The following ADAMTSL1 variants were observed in gnomAD, a reference collection of about 807,000 sequenced individuals.
The protein encoded by ADAMTSL1 is ADAMTS-like protein 1.
In ADAMTSL1, 126 loss-of-function variants were observed where a neutral mutation model predicts 201.8. The ratio of observed to expected loss-of-function variants is 0.62; its 90% CI spans 0.54 to 0.72. ADAMTSL1 has a LOEUF of 0.72. ADAMTSL1 is among the 30% of genes least tolerant of loss of function. The pLI is 0.00. For missense variants in ADAMTSL1, 2,679 were observed against 2,277.8 expected (o/e 1.18, Z -3.59); for synonymous variants, 1,121 against 903.4 (o/e 1.24, Z -4.32).
rs1032712539 is a variant in ADAMTSL1 at position 18,054,871 on chromosome 9, G to C, written c.88-108991G>C. On this transcript the variant is annotated intron_variant, in intron 1 of 29. Coordinates refer to the ADAMTSL1 transcript ENST00000680146. ...GGGGAGGTGCTTGGTAATGTGTGAA[G>C]TTCCCCTGCCCCCGCAATCTTTTTG... Among the ~76,000 whole-genome samples the C allele has an allele frequency of 3.3e-5, 5 of 152,316 alleles. No homozygotes were observed. In the East Asian group the frequency reaches 9.6e-4, roughly 29 times the overall value.
chr9:17,966,421 A>C (rs888690275), intron 1 of ADAMTSL1, among the ~76,000 whole-genome samples: 27 of 152,298 alleles, frequency 1.8e-4, no homozygotes, highest in African/African-American at 5.0e-4. Context: ...TTTGCTACGC[A>C]CTCAGAAGCC....
chr9:18,882,765 G>C (rs894223862), intron 23 of ADAMTSL1, among the ~76,000 whole-genome samples: 1 of 152,054 alleles, frequency 6.6e-6, no homozygotes, highest in Non-Finnish European at 1.5e-5. Context: ...AAGCTGAGGA[G>C]GGAGGATCAC....
chr9:18,340,452 C>A (rs950429804), intron 2 of ADAMTSL1, among the ~76,000 whole-genome samples: 1 of 152,108 alleles, frequency 6.6e-6, no homozygotes, highest in Non-Finnish European at 1.5e-5. Context: ...ACAATACATC[C>A]CAAACTGAGC....
Position 18,095,416 on chromosome 9 carries a change from CTTTT to C in ADAMTSL1, c.88-68425_88-68422del, listed in dbSNP as rs35164794. ...TCCCTGATAAGTTTCTTCTTTCTTTCTTTTTTTTTTTTTTTTTTTTTTTTGACAC... is the reference window on the plus strand; with the variant it reads ...TCCCTGATAAGTTTCTTCTTTCTTTCTTTTTTTTTTTTTTTTTTTTGACAC... On this transcript the variant is annotated intron_variant, in intron 1 of 29. Coordinates refer to the ADAMTSL1 transcript ENST00000680146. 3.0e-3 allele frequency among the ~76,000 whole-genome samples: 297 copies of C among 100,098 alleles called. 1 individual carries two copies. The highest frequency in any genetic ancestry group is 9.0e-3 in the African/African-American group (266 of 29,606). 65.7% of individuals were successfully genotyped at this position (100,098 alleles called of 152,430 possible).
At chr9:18,805,987 A>G (rs1823091377) in intron 20 of ADAMTSL1, among the ~76,000 whole-genome samples, 1 of 152,196 alleles carries the variant, frequency 6.6e-6, no homozygotes, top group East Asian at 1.9e-4. Context: ...CTCCTAGCCT[A>G]AACTGCCTTA....
chr9:18,459,250 T>G (rs762911023), intron 2 of ADAMTSL1, among the ~76,000 whole-genome samples: 17 of 152,188 alleles, frequency 1.1e-4, no homozygotes, highest in Non-Finnish European at 2.5e-4. Context: ...ATAGAATGTT[T>G]GTTTTTTATA....
At chr9:17,917,689 C>T (rs1826150075) in intron 1 of ADAMTSL1, among the ~76,000 whole-genome samples, 1 of 151,880 alleles carries the variant, frequency 6.6e-6, no homozygotes, top group African/African-American at 2.4e-5. Context: ...TAGAGCAATG[C>T]CGGCTTCATA....
At chr9:18,097,778 C>T (rs1355371624) in intron 1 of ADAMTSL1, among the ~76,000 whole-genome samples, 1 of 151,924 alleles carries the variant, frequency 6.6e-6, no homozygotes, top group Non-Finnish European at 1.5e-5. Flanking sequence ...TCTTCCCATT[C>T]CTAGGTTGTA....
At chr9:18,241,864 T>C (rs1831077400) in intron 2 of ADAMTSL1, among the ~76,000 whole-genome samples, 2 of 151,870 alleles carry the variant, frequency 1.3e-5, no homozygotes. Flanking sequence ...TATAAAGAAA[T>C]TGAAAAAGCA....
chr9:18,546,560 T>C (rs1198059065), intron 3 of ADAMTSL1, among the ~76,000 whole-genome samples: 1 of 152,164 alleles, frequency 6.6e-6, no homozygotes, highest in Non-Finnish European at 1.5e-5. Context: ...AAAAAACTTA[T>C]TCCTTCCCCA....
chr9:18,194,786 T>C (rs992487534), intron 2 of ADAMTSL1, among the ~76,000 whole-genome samples: 2 of 152,064 alleles, frequency 1.3e-5, no homozygotes, highest in Non-Finnish European at 2.9e-5. Context: ...CCTCCTTCCC[T>C]CAAGCCTGCC....
At chr9:18,037,540 A>G (rs1821252525) in intron 1 of ADAMTSL1, among the ~76,000 whole-genome samples, 1 of 152,166 alleles carries the variant, frequency 6.6e-6, no homozygotes, top group Non-Finnish European at 1.5e-5. Flanking sequence ...AATAAGTGTT[A>G]ATGATTGTCA....
chr9:18,697,866 A>AAGTTGG (rs1338255216), intron 13 of ADAMTSL1, among the ~76,000 whole-genome samples: 2 of 152,196 alleles, frequency 1.3e-5, no homozygotes, highest in Non-Finnish European at 2.9e-5. Flanking sequence ...TGGACATTTT[A>AAGTTGG]AGTTGGAGAT....
chr9:18,117,843 T>C, intron 1 of ADAMTSL1, among the ~76,000 whole-genome samples: 1 of 152,290 alleles, frequency 6.6e-6, no homozygotes, highest in Middle Eastern at 3.4e-3. Context: ...ACCTTTCTAA[T>C]AAAACCATGC....
chr9:18,025,105 A>T (rs1179113085), intron 1 of ADAMTSL1, among the ~76,000 whole-genome samples: 4 of 151,662 alleles, frequency 2.6e-5, no homozygotes, highest in Non-Finnish European at 5.9e-5. Flanking sequence ...CTACTTTTTA[A>T]TTGGGTTTTT....
intron 1 of ADAMTSL1, among the ~76,000 whole-genome samples, chr9:18,054,228 AC>A (rs1822069048): frequency 6.6e-6 from 1 of 152,220 alleles, no homozygotes; most frequent in Non-Finnish European, 1.5e-5. Context: ...AAATTGAGAA[AC>A]CATGTAAAAG....
chr9:18,717,934 T>C lies in ADAMTSL1; in HGVS notation c.1877-3602T>C, dbSNP rs1309398551. On this transcript the variant is annotated intron_variant, in intron 14 of 28. Coordinates refer to ENST00000380548, the MANE Select transcript of ADAMTSL1 (RefSeq NM_001040272.6). ...TGGCACTATTGAATTGGACAACAGT[T>C]CTTCAGAGCTGACTCAGAGCTGCAA... 2.3e-6 allele frequency: 3 copies of C among 1,308,150 alleles called. No homozygotes were observed. In the African/African-American group the frequency reaches 4.4e-5, roughly 19 times the overall value. 81.0% of individuals were successfully genotyped at this position (1,308,150 alleles called of 1,614,324 possible).
At position 18,523,895 on chromosome 9, in the gene ADAMTSL1, G is replaced by C. The variant is rs199991496; in HGVS notation, c.192-9352G>C. Reference sequence around the variant, plus strand: ...TAGCGTGATGCCTCCAGCTTTGTTCGTTTGGCTTAGGATTGACTTGGTGAT... The same window carrying C: ...TAGCGTGATGCCTCCAGCTTTGTTCCTTTGGCTTAGGATTGACTTGGTGAT... On this transcript the variant is annotated intron_variant, in intron 2 of 28. Transcript: ENST00000380548. Among the ~76,000 whole-genome samples, 20 of 124,484 alleles carry C rather than the reference G, an allele frequency of 1.6e-4. No individual in the cohort carries two copies. In the East Asian group the frequency reaches 4.8e-3, roughly 30 times the overall value. The allele number at this position is 124,484 out of a possible 152,430, so 81.7% of individuals were successfully genotyped here.
chr9:18,626,282 A>G lies in ADAMTSL1; in HGVS notation c.601+3913A>G, dbSNP rs948740096. ...ACAAACCAGAGCAGGAGAACAGGAA[A>G]TGGGTATAGGCTGCCAGCCACAGGT... is the stretch of plus-strand genomic sequence containing the variant. On this transcript the variant is annotated intron_variant, in intron 5 of 28. Transcript: ENST00000380548. Among the ~76,000 whole-genome samples the G allele has an allele frequency of 7.9e-5, 12 of 152,336 alleles. No individual in the cohort carries two copies. In the East Asian group the frequency reaches 1.3e-3, roughly 17 times the overall value.
Sources: gnomAD v4.1 joint callset for allele counts (sites outside exome capture counted in the v4.1 genomes callset) on GRCh38, gnomAD v4.1.1 for gene constraint, MANE v1.5 for transcripts, NCBI Gene and HGNC (gene_info 2026-07-23, HGNC 2026-07-21) for gene names.